ROBO1: variants seen among roughly 807,000 people sequenced by gnomAD.
ROBO1 encodes the protein roundabout homolog 1.
In ROBO1, 149 loss-of-function variants were observed where a neutral mutation model predicts 195.9. The ratio of observed to expected loss-of-function variants is 0.76; its 90% CI spans 0.67 to 0.87. The LOEUF is 0.87. Among genes scored for constraint, ROBO1 ranks in the 40% least tolerant of loss-of-function variants. The probability of loss-of-function intolerance (pLI) is 0.00; values close to 1 mark genes in which losing one functional copy is unlikely to be tolerated. For synonymous variants in ROBO1, 816 were observed against 733.2 expected (o/e 1.11, Z -1.82); for missense variants, 1,933 against 2,068.3 (o/e 0.93, Z 1.27).
chr3:79,370,955 G>A (rs2036171332), intron 2 of ROBO1, among the ~76,000 whole-genome samples: 1 of 151,850 alleles, frequency 6.6e-6, no homozygotes, highest in Non-Finnish European at 1.5e-5. Context: ...TCTGTTCCTG[G>A]GTTAGTTTGC....
In ROBO1 at chr3:78,671,437, G is replaced by T. The variant is rs144358089; in HGVS notation, c.1343-1136C>A. Among the ~76,000 whole-genome samples, 302 of 152,172 alleles carry T rather than the reference G, an allele frequency of 2.0e-3. 2 individuals carry two copies. The highest frequency in any genetic ancestry group is 7.0e-3 in the African/African-American group (290 of 41,548). On this transcript the variant is annotated intron_variant, in intron 10 of 30. Coordinates refer to ENST00000464233, the MANE Select transcript of ROBO1 (RefSeq NM_002941.4). ...TTCTAAGTTGCCTGGTTAAAGAAAA[G>T]TGGTTGTCAGAGTAACTAAATTTTG...
rs531906372 is a variant in ROBO1, at chr3:79,171,410, T to C, written c.89-45871A>G. Among the ~76,000 whole-genome samples the C allele has an allele frequency of 6.0e-4, 82 of 136,936 alleles. 1 individual carries two copies. The highest frequency in any genetic ancestry group is 4.3e-3 in the South Asian group (19 of 4,458). 89.8% of individuals were successfully genotyped at this position (136,936 alleles called of 152,430 possible). ...GGTGCAAGTATATATGCCATGAAAA[T>C]TGCAAAAAAAAAAAAAAAAAAGCCA... On this transcript the variant is annotated intron_variant, in intron 2 of 30. Transcript: ENST00000464233.
intron 3 of ROBO1, among the ~76,000 whole-genome samples, chr3:79,035,597 T>C (rs1400088872): frequency 6.6e-6 from 1 of 151,978 alleles, no homozygotes; most frequent in Non-Finnish European, 1.5e-5. Context: ...TGGTGGTGAA[T>C]GTTTCTAGTC....
intron 1 of ROBO1, among the ~76,000 whole-genome samples, chr3:79,704,172 G>C (rs149971816): frequency 6.6e-6 from 1 of 151,800 alleles, no homozygotes; most frequent in Non-Finnish European, 1.5e-5. Context: ...CAACATTCCC[G>C]CCAAAGTGGT....
rs1422148369 is a variant in ROBO1 at position 78,730,313 on chromosome 3, A to C, written c.658-12430T>G. Among the ~76,000 whole-genome samples, 2 of 64,544 alleles carry C rather than the reference A, an allele frequency of 3.1e-5. 1 individual carries two copies. The highest frequency in any genetic ancestry group is 5.0e-4 in the Admixed American group (2 of 3,988). The allele number at this position is 64,544 out of a possible 152,430, so 42.3% of individuals were successfully genotyped here. A position where few individuals can be genotyped will look rare whatever the true frequency, so the allele number is the denominator to read the frequency against. On this transcript the variant is annotated intron_variant, in intron 5 of 30. Transcript: ENST00000464233. ...AAGCCTTTTCCAGAGACCACGTATA[A>C]CTTGTTACCCTTGAAATTTACATTG...
At position 79,420,297 on chromosome 3, in the gene ROBO1, T is replaced by A. The variant is rs544450247; in HGVS notation, c.88+169527A>T. 6.6e-5 allele frequency among the ~76,000 whole-genome samples: 10 copies of A among 152,256 alleles called. No homozygotes were observed. In the South Asian group the frequency reaches 2.1e-3, roughly 32 times the overall value. ...AAAGAATGCTTTATTCAATTTAATT[T>A]TCTGGTTAAATGAGAGTGAACTAGA... On this transcript the variant is annotated intron_variant, in intron 2 of 30. Transcript: ENST00000464233.
chr3:79,429,050 T>C (rs766296317), intron 2 of ROBO1, among the ~76,000 whole-genome samples: 1 of 152,190 alleles, frequency 6.6e-6, no homozygotes, highest in African/African-American at 2.4e-5. Flanking sequence ...CATCACTTTA[T>C]GTATTTTCTA....
chr3:79,080,252 C>G (rs1193873660), intron 3 of ROBO1, among the ~76,000 whole-genome samples: 1 of 151,750 alleles, frequency 6.6e-6, no homozygotes, highest in East Asian at 1.9e-4. Flanking sequence ...CTTTCAGTTA[C>G]GTTGTTTTGG....
intron 1 of ROBO1, among the ~76,000 whole-genome samples, chr3:79,646,034 T>C (rs923135679): frequency 6.6e-6 from 1 of 152,082 alleles, no homozygotes; most frequent in South Asian, 2.1e-4. Context: ...AGATTTTTCA[T>C]GTGAGACCTC....
At chr3:79,660,897 T>G (rs2106826399) in intron 1 of ROBO1, among the ~76,000 whole-genome samples, 1 of 152,202 alleles carries the variant, frequency 6.6e-6, no homozygotes, top group Non-Finnish European at 1.5e-5. Context: ...TGAAGGAAAC[T>G]TAAAACTGTT....
At chr3:78,646,547 T>C (rs1391840167) in intron 20 of ROBO1, among the ~76,000 whole-genome samples, 1 of 151,538 alleles carries the variant, frequency 6.6e-6, no homozygotes, top group Non-Finnish European at 1.5e-5. Context: ...GATTTCCATT[T>C]TGAATTTATT....
chr3:79,624,246 G>A (rs1054710390), intron 1 of ROBO1, among the ~76,000 whole-genome samples: 1 of 151,866 alleles, frequency 6.6e-6, no homozygotes, highest in Non-Finnish European at 1.5e-5. Flanking sequence ...CAAAAAAACG[G>A]CAAAATATAA....
chr3:79,551,921 G>A (rs1488425720), intron 2 of ROBO1, among the ~76,000 whole-genome samples: 1 of 130,246 alleles, frequency 7.7e-6, no homozygotes, highest in African/African-American at 2.8e-5. Flanking sequence ...CTTTAAGGAT[G>A]ACAGTATAAG....
At chr3:79,278,653 C>A (rs1165061333) in intron 2 of ROBO1, among the ~76,000 whole-genome samples, 1 of 152,118 alleles carries the variant, frequency 6.6e-6, no homozygotes, top group Admixed American at 6.5e-5. Flanking sequence ...AAGAAGGAAT[C>A]TAGACTCGCA....
chr3:79,575,469 CATATATAAATATATATAACAA>C (rs1560007971), intron 2 of ROBO1, among the ~76,000 whole-genome samples: 294 of 110,752 alleles, frequency 2.7e-3, no homozygotes, highest in African/African-American at 8.0e-3. Context: ...ATAACAAATA[CATATATAAATATATATAACAA>C]ATATATAAAT....
chr3:79,605,862 C>T (rs1944464187), intron 1 of ROBO1, among the ~76,000 whole-genome samples: 1 of 151,864 alleles, frequency 6.6e-6, no homozygotes, highest in Non-Finnish European at 1.5e-5. Flanking sequence ...ATTTTAGCTT[C>T]CATCTCTCCA....
chr3:79,608,869 C>G (rs1199552772), intron 1 of ROBO1, among the ~76,000 whole-genome samples: 1 of 151,838 alleles, frequency 6.6e-6, no homozygotes, highest in East Asian at 1.9e-4. Flanking sequence ...ATTCCAACCT[C>G]CAATGTAATG....
intron 4 of ROBO1, among the ~76,000 whole-genome samples, chr3:78,810,736 C>T (rs189365784): frequency 8.5e-5 from 13 of 152,096 alleles, no homozygotes; most frequent in Non-Finnish European, 1.8e-4. Context: ...TTCCATTCCT[C>T]CTCCCCTACC....
chr3:79,512,540 A>C (rs1940761632), intron 2 of ROBO1, among the ~76,000 whole-genome samples: 1 of 152,154 alleles, frequency 6.6e-6, no homozygotes, highest in Non-Finnish European at 1.5e-5. Context: ...TCCTTTTTAC[A>C]TATTCGAGTT....
Sources: allele counts gnomAD v4.1 joint callset (sites outside exome capture counted in the v4.1 genomes callset), GRCh38; gene constraint gnomAD v4.1.1; transcripts MANE v1.5; gene names NCBI Gene and HGNC (gene_info 2026-07-23, HGNC 2026-07-21).